STRADA: variants seen among roughly 807,000 people sequenced by gnomAD.
The protein encoded by STRADA is STE20 related adaptor alpha, also known as STE20-related kinase adapter protein alpha.
In STRADA, 26 loss-of-function variants were observed where a neutral mutation model predicts 55.0. That is an observed-to-expected ratio of 0.47 (90% confidence interval 0.35 to 0.66). The LOEUF (loss-of-function observed/expected upper bound fraction) is 0.66. STRADA is among the 30% of genes least tolerant of loss of function. The pLI, the probability that STRADA is intolerant of heterozygous loss-of-function variation, is 0.01. For synonymous variants in STRADA, 197 were observed against 210.9 expected (o/e 0.93, Z 0.57); for missense variants, 443 against 549.7 (o/e 0.81, Z 1.94).
At chr17:63,710,101 C>CACACTGCAGA (rs1342568546) in intron 8 of STRADA, among the ~76,000 whole-genome samples, 5 of 147,842 alleles carry the variant, frequency 3.4e-5, no homozygotes, top group Non-Finnish European at 7.4e-5. Flanking sequence ...GTGGTGTGAT[C>CACACTGCAGA]TCCAGTCACT....
intron 8 of STRADA, 68 bp downstream of exon 8, chr17:63,710,423 A>C: frequency 6.3e-7 from 1 of 1,593,658 alleles, no homozygotes; most frequent in Non-Finnish European, 8.5e-7. Flanking sequence ...GTCAAACTTC[A>C]CTTTACCTGA....
chr17:63,728,848 C>T (rs998179217), intron 1 of STRADA, among the ~76,000 whole-genome samples: 5 of 148,618 alleles, frequency 3.4e-5, no homozygotes, highest in Admixed American at 1.3e-4. Context: ...GCCAAGATCA[C>T]GCCATTGCAT....
Position 63,721,414 on chromosome 17 carries a change from CAA to C in STRADA, c.123+1882_123+1883del, listed in dbSNP as rs34413372. ...AAAAAAATAAAGTGAAGCTCCATCT[CAA>C]AAAAAAAAAAAAAAGTTCTTGACTG... On this transcript the variant is annotated intron_variant, in intron 4 of 12. Coordinates refer to ENST00000336174, the MANE Select transcript of STRADA (RefSeq NM_001003787.4). 8.5e-3 allele frequency among the ~76,000 whole-genome samples: 1,137 copies of C among 133,570 alleles called. 8 individuals carry two copies. The highest frequency in any genetic ancestry group is 0.016 in the Middle Eastern group (4 of 258). The allele number at this position is 133,570 out of a possible 152,430, so 87.6% of individuals were successfully genotyped here.
At chr17:63,709,869 A>G (rs917229172) in intron 8 of STRADA, among the ~76,000 whole-genome samples, 1 of 152,104 alleles carries the variant, frequency 6.6e-6, no homozygotes, top group Non-Finnish European at 1.5e-5. Flanking sequence ...GCACAGAAAG[A>G]AGGAGGCAGA....
intron 11 of STRADA, 66 bp from the exon 12 acceptor site, chr17:63,704,113 C>T: frequency 6.3e-7 from 1 of 1,590,330 alleles, no homozygotes; most frequent in Non-Finnish European, 8.6e-7. Context: ...GAAATCCTGC[C>T]ACTTATGCCT....
chr17:63,717,411 G>A (rs189041249), intron 4 of STRADA, among the ~76,000 whole-genome samples: 2 of 152,112 alleles, frequency 1.3e-5, no homozygotes, highest in South Asian at 2.1e-4. Flanking sequence ...GGGTTTAAAC[G>A]ATTCTCCTGC....
intron 12 of STRADA, 59 bp downstream of exon 12, chr17:63,703,946 G>T: frequency 6.2e-7 from 1 of 1,609,644 alleles, no homozygotes; most frequent in South Asian, 1.1e-5. Flanking sequence ...AAGCTAAAGG[G>T]ATTGTGAGTT....
At chr17:63,704,094 C>CA in intron 11 of STRADA, 47 bp from the exon 12 acceptor site, 1 of 1,599,046 alleles carries the variant, frequency 6.3e-7, no homozygotes, top group Non-Finnish European at 8.5e-7. Context: ...GCCGTGTCCC[C>CA]AGCTTCCCGA....
At chr17:63,738,273 G>A (rs1390986086) in intron 1 of STRADA, among the ~76,000 whole-genome samples, 4 of 149,984 alleles carry the variant, frequency 2.7e-5, no homozygotes, top group African/African-American at 4.9e-5. Flanking sequence ...ACCGGGAGGC[G>A]GAGGTTGTAG....
At position 63,740,182 on chromosome 17, in the gene STRADA, AC is replaced by A. The variant is rs1260725366; in HGVS notation, c.-45+1558del. Among the ~76,000 whole-genome samples the A allele has an allele frequency of 8.9e-5, 13 of 145,764 alleles. No individual in the cohort carries two copies. The South Asian group carries it at 1.3e-3, about 15-fold the overall frequency. The stretch of plus-strand genomic sequence containing the variant: ...CACACACACACACACACACACACAC[AC>A]AACAAAGCAATATTACTAGTGGACA... On this transcript the variant is annotated intron_variant, in intron 1 of 12. Coordinates refer to ENST00000336174, the MANE Select transcript of STRADA (RefSeq NM_001003787.4).
chr17:63,733,208 A>G (rs1329267094), intron 1 of STRADA, among the ~76,000 whole-genome samples: 3 of 152,164 alleles, frequency 2.0e-5, no homozygotes, highest in Non-Finnish European at 2.9e-5. Context: ...AGCTAGACAC[A>G]CTTTTGCAAA....
intron 4 of STRADA, among the ~76,000 whole-genome samples, chr17:63,721,011 G>A (rs2037273242): frequency 6.6e-6 from 1 of 151,270 alleles, no homozygotes; most frequent in African/African-American, 2.4e-5. Flanking sequence ...AAGGAGAATC[G>A]CTTGAACCCA....
chr17:63,731,275 T>C (rs2144217763), intron 1 of STRADA, among the ~76,000 whole-genome samples: 1 of 146,006 alleles, frequency 6.8e-6, no homozygotes, highest in Non-Finnish European at 1.5e-5. Flanking sequence ...TTTTTTTTTT[T>C]TTTTCTGAGA....
chr17:63,716,958 C>T (rs1240650327), intron 4 of STRADA: 1 of 152,158 alleles, frequency 6.6e-6, no homozygotes, highest in Non-Finnish European at 1.5e-5. Context: ...GTTCTGTGAC[C>T]CTGGGCAAGT....
intron 4 of STRADA, among the ~76,000 whole-genome samples, chr17:63,722,723 T>C (rs1323463098): frequency 6.6e-6 from 1 of 152,224 alleles, no homozygotes. Context: ...CTTGGTACAC[T>C]GTGCACATCT....
chr17:63,733,194 C>A (rs1292699039), intron 1 of STRADA, among the ~76,000 whole-genome samples: 2 of 152,206 alleles, frequency 1.3e-5, no homozygotes, highest in Admixed American at 1.3e-4. Context: ...TGCCAATGGG[C>A]ACAAGCTAGA....
At chr17:63,735,860 A>G (rs567886161) in intron 1 of STRADA, among the ~76,000 whole-genome samples, 1 of 152,350 alleles carries the variant, frequency 6.6e-6, no homozygotes, top group South Asian at 2.1e-4. Flanking sequence ...AGTGGGGCTG[A>G]AAACAAGCCC....
Position 63,704,371 on chromosome 17 carries a change from T to C in STRADA, c.1070A>G (p.Glu357Gly). 2 of 1,611,780 alleles carry C rather than the reference T, an allele frequency of 1.2e-6. No homozygotes were observed. Among genetic ancestry groups the C allele is most frequent in the Non-Finnish European group, 1.7e-6 (2 of 1,179,526 alleles). ...TFSPHFHHFV[E>G]QCLQRNPDAR... ...ATCCGGGTTGCGCTGAAGGCACTGC[T>C]CCACAAAGTGGTGGAAGTGGGGGGA... The change falls in exon 11 of 13, where the codon GAG becomes GGG. Residue 357 changes from glutamate to glycine, a missense_variant. Physicochemically the swap from Glu to Gly is moderately conservative, Grantham distance 98. Coordinates refer to ENST00000336174, the MANE Select transcript of STRADA (RefSeq NM_001003787.4).
rs575363693 is a variant in STRADA at position 63,710,608 on chromosome 17, G to A, written c.464C>T (p.Ala155Val). Residue 155 changes from alanine to valine, a missense_variant, in exon 8 of 13, where the codon GCA becomes GTA. Physicochemically the swap from Ala to Val is moderately conservative, Grantham distance 64 (BLOSUM62 0). Coordinates refer to ENST00000336174, the MANE Select transcript of STRADA (RefSeq NM_001003787.4). ...GAAGTGTGTACAGATGAGATCTTTT[G>A]CAGAACCTGCAGAAAAGGATTGCAT... Reference protein sequence around the residue: ...VVTSFMAYGSAKDLICTHFMD... With the variant: ...VVTSFMAYGSVKDLICTHFMD... 1.2e-5 allele frequency: 19 copies of A among 1,614,050 alleles called. No individual in the cohort carries two copies. In the South Asian group the frequency reaches 1.3e-4, roughly 11 times the overall value.
Sources: allele counts gnomAD v4.1 joint callset (sites outside exome capture counted in the v4.1 genomes callset), GRCh38; gene constraint gnomAD v4.1.1; transcripts MANE v1.5; gene names NCBI Gene and HGNC (gene_info 2026-07-23, HGNC 2026-07-21).